The following TNR variants were observed in gnomAD, a reference collection of about 807,000 sequenced individuals.
TNR encodes tenascin-R.
TNR carries 45 observed loss-of-function variants against 150.4 expected under a neutral mutation model. The observed-to-expected ratio is 0.30, with a 90% confidence interval of 0.24 to 0.38. The LOEUF is 0.38. TNR is among the 10% of genes least tolerant of loss of function. TNR has a pLI of 1.00. For synonymous variants in TNR, 687 were observed against 678.4 expected, an observed-to-expected ratio of 1.01 and a Z score of -0.20; for missense variants, 1,544 against 1,759.1, an observed-to-expected ratio of 0.88 and a Z score of 2.19.
intron 1 of TNR, among the ~76,000 whole-genome samples, chr1:175,681,143 G>A (rs1666022949): frequency 6.6e-6 from 1 of 152,184 alleles, no homozygotes; most frequent in South Asian, 2.1e-4. Flanking sequence ...CAAAGGCCAA[G>A]GGTGAGCCAC....
chr1:175,658,402 C>G (rs1424390492), intron 1 of TNR, among the ~76,000 whole-genome samples: 1 of 152,190 alleles, frequency 6.6e-6, no homozygotes, highest in Non-Finnish European at 1.5e-5. Context: ...GCAGGCCAAC[C>G]CTGTGGGTGA....
At chr1:175,472,339 T>C (rs767463303) in intron 2 of TNR, among the ~76,000 whole-genome samples, 2 of 152,140 alleles carry the variant, frequency 1.3e-5, no homozygotes, top group African/African-American at 4.8e-5. Context: ...GAGGCTGTTC[T>C]ACATTAACTT....
chr1:175,651,682 A>G (rs1019290870), intron 1 of TNR, among the ~76,000 whole-genome samples: 1 of 152,084 alleles, frequency 6.6e-6, no homozygotes, highest in African/African-American at 2.4e-5. Flanking sequence ...AAGTTGTTTC[A>G]GAAAACAGAA....
intron 1 of TNR, among the ~76,000 whole-genome samples, chr1:175,538,581 T>G (rs1345682722): frequency 6.6e-6 from 1 of 152,204 alleles, no homozygotes. Context: ...GCCTTATGTT[T>G]TAGAGTGCAT....
intron 1 of TNR, among the ~76,000 whole-genome samples, chr1:175,662,875 T>A (rs1282186741): frequency 1.3e-5 from 2 of 152,160 alleles, no homozygotes; most frequent in Non-Finnish European, 2.9e-5. Flanking sequence ...ACACTTATAG[T>A]GCCTCAAGTA....
chr1:175,631,115 G>A (rs1297074758), intron 1 of TNR, among the ~76,000 whole-genome samples: 1 of 152,182 alleles, frequency 6.6e-6, no homozygotes, highest in Non-Finnish European at 1.5e-5. Context: ...AATAAAAAAT[G>A]CCCAAGTCCA....
intron 21 of TNR, 25 bp from the exon 22 acceptor site, chr1:175,324,544 G>A: frequency 6.2e-7 from 1 of 1,609,820 alleles, no homozygotes; most frequent in Non-Finnish European, 8.5e-7. Context: ...CATTCATTAG[G>A]CTGTCCCATT....
At chr1:175,323,590 A>G in intron 22 of TNR, 114 bp from the exon 23 acceptor site, 2 of 1,447,054 alleles carry the variant, frequency 1.4e-6, no homozygotes, top group East Asian at 2.3e-5. Context: ...AGCTATTTTC[A>G]GCTAACATGA....
intron 8 of TNR, among the ~76,000 whole-genome samples, chr1:175,385,377 C>T (rs1218680213): frequency 6.6e-6 from 1 of 152,140 alleles, no homozygotes; most frequent in African/African-American, 2.4e-5. Flanking sequence ...TTAAGAGTCC[C>T]AATGGCCTTG....
intron 1 of TNR, among the ~76,000 whole-genome samples, chr1:175,713,918 T>G (rs1223347775): frequency 6.6e-6 from 1 of 152,228 alleles, no homozygotes; most frequent in Non-Finnish European, 1.5e-5. Flanking sequence ...TTAAGCAATC[T>G]TTAAATAAGG....
intron 1 of TNR, among the ~76,000 whole-genome samples, chr1:175,554,386 T>G (rs1661069683): frequency 6.6e-6 from 1 of 152,084 alleles, no homozygotes; most frequent in Non-Finnish European, 1.5e-5. Context: ...TTCTGACTTT[T>G]TAAAATCAAG....
At chr1:175,631,307 A>T (rs527647635) in intron 1 of TNR, among the ~76,000 whole-genome samples, 1 of 152,248 alleles carries the variant, frequency 6.6e-6, no homozygotes, top group South Asian at 2.1e-4. Context: ...GAATTGTCAA[A>T]TACATTTTGA....
intron 1 of TNR, among the ~76,000 whole-genome samples, chr1:175,606,716 C>G (rs1663418635): frequency 6.6e-6 from 1 of 152,174 alleles, no homozygotes; most frequent in African/African-American, 2.4e-5. Context: ...GAGCCTTTGC[C>G]TCTCTGTGCC....
At chr1:175,546,190 G>T (rs2102194236) in intron 1 of TNR, among the ~76,000 whole-genome samples, 1 of 152,282 alleles carries the variant, frequency 6.6e-6, no homozygotes, top group Admixed American at 6.5e-5. Context: ...CATTTTTGTG[G>T]TGCACTTGTG....
rs1662240873 is a variant in TNR at position 175,579,165 on chromosome 1, T to TTTCCTTCCTTCCTTTCTTCCTTCCTTCC, written c.-164-50797_-164-50796insGGAAGGAAGGAAGAAAGGAAGGAAGGAA. Among the ~76,000 whole-genome samples, 16 of 134,380 alleles carry TTTCCTTCCTTCCTTTCTTCCTTCCTTCC rather than the reference T, an allele frequency of 1.2e-4. 1 individual carries two copies. In the Admixed American group the frequency reaches 1.2e-3, roughly 10 times the overall value. 88.2% of individuals were successfully genotyped at this position (134,380 alleles called of 152,430 possible). A position where few individuals can be genotyped will look rare whatever the true frequency, so the allele number is the denominator to read the frequency against. ...CTCCTATCCTTCCCTTCGTTCCTTCTTTCCTTCCTTCCTTCCTTCCTTCCT... is the reference window on the plus strand; with the variant it reads ...CTCCTATCCTTCCCTTCGTTCCTTCTTTCCTTCCTTCCTTTCTTCCTTCCTTCCTTCCTTCCTTCCTTCCTTCCTTCCT... On this transcript the variant is annotated intron_variant, in intron 1 of 22. Coordinates refer to ENST00000367674, the MANE Select transcript of TNR (RefSeq NM_003285.3).
intron 1 of TNR, among the ~76,000 whole-genome samples, chr1:175,586,680 C>A (rs557221034): frequency 2.6e-5 from 4 of 152,272 alleles, no homozygotes; most frequent in African/African-American, 7.2e-5. Flanking sequence ...AATAGCCCTC[C>A]AACCTATGGA....
At chr1:175,398,552 C>T (rs1235289744) in intron 4 of TNR, among the ~76,000 whole-genome samples, 4 of 152,146 alleles carry the variant, frequency 2.6e-5, no homozygotes, top group Non-Finnish European at 5.9e-5. Context: ...TAGAACCTGT[C>T]AGGATTTTGC....
intron 1 of TNR, among the ~76,000 whole-genome samples, chr1:175,671,950 T>TGTGTGTGTGTGTGTGTGTG (rs1491413157): frequency 2.9e-5 from 4 of 137,952 alleles, no homozygotes; most frequent in African/African-American, 7.9e-5. Context: ...TGTGTGTGTG[T>TGTGTGTGTGTGTGTGTGTG]TGGAGAGGGG....
At chr1:175,489,850 A>G (rs1299503344) in intron 2 of TNR, among the ~76,000 whole-genome samples, 1 of 152,240 alleles carries the variant, frequency 6.6e-6, no homozygotes, top group African/African-American at 2.4e-5. Flanking sequence ...AAAGAACTAT[A>G]CATTTTCAAT....
Sources: allele counts gnomAD v4.1 joint callset (sites outside exome capture counted in the v4.1 genomes callset), GRCh38; gene constraint gnomAD v4.1.1; transcripts MANE v1.5; gene names NCBI Gene and HGNC (gene_info 2026-07-23, HGNC 2026-07-21).